The following TSHR variants were observed in gnomAD, a reference collection of about 807,000 sequenced individuals.
TSHR encodes thyrotropin receptor.
TSHR carries 51 observed loss-of-function variants against 64.1 expected under a neutral mutation model. That is an observed-to-expected ratio of 0.80 (90% confidence interval 0.64 to 1.01). The LOEUF is 1.01. TSHR is among the 50% of genes least tolerant of loss of function. The probability of loss-of-function intolerance (pLI) is 0.00; values close to 1 mark genes in which losing one functional copy is unlikely to be tolerated. For synonymous variants in TSHR, 361 were observed against 361.9 expected (o/e 1.00, Z 0.03); for missense variants, 877 against 942.8 (o/e 0.93, Z 0.91).
intron 1 of TSHR, among the ~76,000 whole-genome samples, chr14:80,979,853 C>T (rs535001539): frequency 4.6e-5 from 7 of 152,044 alleles, no homozygotes; most frequent in Admixed American, 4.6e-4. Flanking sequence ...TTTTTTCCAC[C>T]TGAATGGAAA....
At chr14:81,066,300 T>A (rs1453626935) in intron 2 of TSHR, among the ~76,000 whole-genome samples, 1 of 152,216 alleles carries the variant, frequency 6.6e-6, no homozygotes, top group Non-Finnish European at 1.5e-5. Flanking sequence ...GAAAAATGAA[T>A]CTTGCTCTGC....
intron 1 of TSHR, among the ~76,000 whole-genome samples, chr14:81,047,470 G>C (rs1380143708): frequency 4.6e-5 from 7 of 152,076 alleles, no homozygotes; most frequent in Non-Finnish European, 1.0e-4. Context: ...AAGACAATTA[G>C]GTGTTTTCTC....
chr14:81,091,116 T>C lies in TSHR; in HGVS notation c.440T>C (p.Val147Ala). ...AAAATGTTCCCTGACCTGACCAAAGTTTATTCCACTGATATATTCTTTATA... is the reference window on the plus strand; with the variant it reads ...AAAATGTTCCCTGACCTGACCAAAGCTTATTCCACTGATATATTCTTTATA... Reference protein sequence around the residue: ...GLKMFPDLTKVYSTDIFFILE... With the variant: ...GLKMFPDLTKAYSTDIFFILE... The change falls in exon 5 of 10, where the codon GTT becomes GCT. Residue 147 changes from valine to alanine, a missense_variant. By Grantham distance (64) the Val-to-Ala change is moderately conservative (BLOSUM62 0). Coordinates refer to ENST00000298171, the MANE Select transcript of TSHR (RefSeq NM_000369.5). 6.2e-7 allele frequency: 1 copy of C among 1,612,440 alleles called. No individual in the cohort carries two copies. Among genetic ancestry groups the C allele is most frequent in the Non-Finnish European group, 8.5e-7 (1 of 1,179,808 alleles).
At chr14:81,065,208 G>A (rs1429789665) in intron 2 of TSHR, among the ~76,000 whole-genome samples, 5 of 151,956 alleles carry the variant, frequency 3.3e-5, no homozygotes, top group African/African-American at 7.2e-5. Context: ...TGAACTTCCC[G>A]AAGCTCCACC....
chr14:81,110,428 A>G (rs1890176675), intron 8 of TSHR, among the ~76,000 whole-genome samples: 2 of 152,230 alleles, frequency 1.3e-5, no homozygotes, highest in Non-Finnish European at 2.9e-5. Context: ...CACAGCAAGA[A>G]GGTGGCCATC....
At chr14:80,956,126 G>A (rs1886664453) in intron 1 of TSHR, among the ~76,000 whole-genome samples, 1 of 152,210 alleles carries the variant, frequency 6.6e-6, no homozygotes, top group Non-Finnish European at 1.5e-5. Context: ...TTTCCAACAA[G>A]CTGCTATTCA....
rs116210028 is a variant in TSHR at position 81,055,322 on chromosome 14, G to A, written c.171-6826G>A. Among the ~76,000 whole-genome samples, 665 of 152,306 alleles carry A rather than the reference G, an allele frequency of 4.4e-3. 9 individuals carry two copies. The highest frequency in any genetic ancestry group is 0.015 in the African/African-American group (643 of 41,558). ...GTCCAGGCAGAAGTTTGCTGCAGGGGTGAGGCACTCATGAAGAATCTCTGC... is the reference window on the plus strand; with the variant it reads ...GTCCAGGCAGAAGTTTGCTGCAGGGATGAGGCACTCATGAAGAATCTCTGC... On this transcript the variant is annotated intron_variant, in intron 1 of 9. Transcript: ENST00000298171.
intron 8 of TSHR, among the ~76,000 whole-genome samples, chr14:81,110,268 G>A (rs1890168544): frequency 6.6e-6 from 1 of 152,214 alleles, no homozygotes; most frequent in South Asian, 2.1e-4. Context: ...TGTATTTGAA[G>A]ATAGGGTCTG....
rs534031879 is a variant in TSHR, at chr14:81,140,014, C to T, written c.881+147C>T. The T allele has an allele frequency of 8.4e-5, 96 of 1,139,210 alleles. No homozygotes were observed. In the Middle Eastern group the frequency reaches 1.4e-3, roughly 16 times the overall value. The allele number at this position is 1,139,210 out of a possible 1,614,324, so 70.6% of individuals were successfully genotyped here. Reference sequence around the variant, plus strand: ...CATATGAAACAGGAAATCCATGGGACACAGTGACCCTGCGGACCCAAAGTG... The same window carrying T: ...CATATGAAACAGGAAATCCATGGGATACAGTGACCCTGCGGACCCAAAGTG... On this transcript the variant is annotated intron_variant, in intron 9 of 9. Transcript: ENST00000298171.
chr14:80,984,046 C>T (rs1371967765), intron 1 of TSHR, among the ~76,000 whole-genome samples: 1 of 150,792 alleles, frequency 6.6e-6, no homozygotes, highest in Non-Finnish European at 1.5e-5. Context: ...AGATAACTAA[C>T]AGTACCTAGA....
At chr14:81,017,078 C>G (rs1883450915) in intron 1 of TSHR, among the ~76,000 whole-genome samples, 1 of 152,100 alleles carries the variant, frequency 6.6e-6, no homozygotes, top group Non-Finnish European at 1.5e-5. Context: ...ACATTTATGC[C>G]TGAGGTTGCA....
At chr14:81,095,857 T>C (rs1223081049) in intron 6 of TSHR, among the ~76,000 whole-genome samples, 1 of 151,958 alleles carries the variant, frequency 6.6e-6, no homozygotes, top group African/African-American at 2.4e-5. Context: ...CTGGGCAACA[T>C]GGTGAAACCT....
intron 3 of TSHR, among the ~76,000 whole-genome samples, chr14:81,075,071 T>C (rs996338660): frequency 2.0e-5 from 3 of 152,244 alleles, no homozygotes; most frequent in Admixed American, 6.5e-5. Context: ...CCTAACTGGA[T>C]ATGTGAACAG....
chr14:81,102,965 G>C (rs140170898), intron 7 of TSHR: 2 of 985,284 alleles, frequency 2.0e-6, no homozygotes, highest in East Asian at 2.3e-4. Flanking sequence ...GCTGGAAACT[G>C]CTCCTGTTAT....
At chr14:81,002,803 T>TATC (rs1566757930) in intron 1 of TSHR, among the ~76,000 whole-genome samples, 5 of 50,092 alleles carry the variant, frequency 1.0e-4, no homozygotes, top group Non-Finnish European at 1.8e-4. Flanking sequence ...TTTTTTTTTT[T>TATC]TTTTATCTTT....
At chr14:81,089,242 C>T (rs1888536366) in intron 4 of TSHR, among the ~76,000 whole-genome samples, 1 of 152,272 alleles carries the variant, frequency 6.6e-6, no homozygotes, top group East Asian at 1.9e-4. Flanking sequence ...CCCGCCTCAG[C>T]CTCCCAAAGT....
intron 1 of TSHR, among the ~76,000 whole-genome samples, chr14:81,029,750 A>G (rs1456887712): frequency 6.6e-6 from 1 of 152,156 alleles, no homozygotes; most frequent in Non-Finnish European, 1.5e-5. Context: ...AAAGAGGGTG[A>G]AATAATAACT....
chr14:81,018,267 C>G (rs941244337), intron 1 of TSHR, among the ~76,000 whole-genome samples: 9 of 152,166 alleles, frequency 5.9e-5, no homozygotes, highest in African/African-American at 2.2e-4. Context: ...TCTTGCTGTT[C>G]CAAAATATAC....
chr14:81,117,260 G>A (rs1890560276), intron 8 of TSHR, among the ~76,000 whole-genome samples: 1 of 120,598 alleles, frequency 8.3e-6, no homozygotes, highest in Admixed American at 8.0e-5. Flanking sequence ...TTTTTGAAAG[G>A]ATCAACAAAA....
Sources: gnomAD v4.1 joint callset for allele counts (sites outside exome capture counted in the v4.1 genomes callset) on GRCh38, gnomAD v4.1.1 for gene constraint, MANE v1.5 for transcripts, NCBI Gene and HGNC (gene_info 2026-07-23, HGNC 2026-07-21) for gene names.